The following TP53BP2 variants were observed in gnomAD, a reference collection of about 807,000 sequenced individuals.
TP53BP2 encodes the protein tumor protein p53 binding protein 2, also known as apoptosis-stimulating of p53 protein 2.
In TP53BP2, 62 loss-of-function variants were observed where a neutral mutation model predicts 126.2. The ratio of observed to expected loss-of-function variants is 0.49; its 90% CI spans 0.40 to 0.61. The LOEUF (loss-of-function observed/expected upper bound fraction) is 0.61. TP53BP2 is among the 20% of genes least tolerant of loss of function. The pLI is 0.00. For synonymous variants in TP53BP2, 485 were observed against 502.9 expected, an observed-to-expected ratio of 0.96 and a Z score of 0.48; for missense variants, 1,215 against 1,402.8, an observed-to-expected ratio of 0.87 and a Z score of 2.14.
At chr1:223,829,773 C>G (rs1663632451) in intron 1 of TP53BP2, among the ~76,000 whole-genome samples, 1 of 150,744 alleles carries the variant, frequency 6.6e-6, no homozygotes, top group African/African-American at 2.4e-5. Flanking sequence ...TTTACCCATA[C>G]TACAAGGACA....
chr1:223,805,409 G>C (rs374184788), intron 5 of TP53BP2, among the ~76,000 whole-genome samples: 8 of 152,224 alleles, frequency 5.3e-5, no homozygotes, highest in African/African-American at 1.9e-4. Context: ...GAGAAATGCA[G>C]AAGCTCAAAC....
intron 6 of TP53BP2, 45 bp downstream of exon 6, chr1:223,804,129 G>A (rs760619292): frequency 6.4e-7 from 1 of 1,571,718 alleles, no homozygotes; most frequent in Non-Finnish European, 8.6e-7. Flanking sequence ...AAAAAAACCA[G>A]ACAAATAAAT....
intron 1 of TP53BP2, among the ~76,000 whole-genome samples, chr1:223,826,932 C>T (rs891084096): frequency 2.0e-5 from 3 of 152,078 alleles, no homozygotes; most frequent in Non-Finnish European, 2.9e-5. Flanking sequence ...CAGTAAGACT[C>T]GCTTGGTGGA....
chr1:223,838,862 G>T (rs1664010743), intron 1 of TP53BP2, among the ~76,000 whole-genome samples: 1 of 152,170 alleles, frequency 6.6e-6, no homozygotes. Flanking sequence ...GGTAATATTA[G>T]ATAGAGGTGG....
Position 223,796,402 on chromosome 1 carries a change from A to G in TP53BP2, c.2137T>C (p.Ser713Pro). Residue 713 changes from serine to proline, a missense_variant, in exon 13 of 18, where the codon TCT (serine) becomes CCT (proline). Ser to Pro is a moderately conservative substitution (Grantham distance 74). Around this residue, in one of 4 missense-constraint regions of TP53BP2, gnomAD observed 46 missense variants for 93.0 expected, o/e 0.49. Transcript: ENST00000343537. This position sits in a 1 kb window ranked among gnomAD's most constrained non-coding sequence, Gnocchi z 4.2. ...TCACTCTGGTTTCGGTAAGGATTAG[A>G]TAAGAAAGGCAGTAATTTAGTTGGG... ...LSPTKLLPFL[S>P]NPYRNQSDAD... 6.2e-7 allele frequency: 1 copy of G among 1,614,204 alleles called. No homozygotes were observed. The highest frequency in any genetic ancestry group is 2.2e-5 in the East Asian group (1 of 44,884).
chr1:223,810,488 T>G lies in TP53BP2; in HGVS notation c.315A>C (p.Pro105=). Residue 105 remains proline, a synonymous_variant, in exon 4 of 18, where the codon CCA becomes CCC. Coordinates refer to ENST00000343537, the MANE Select transcript of TP53BP2 (RefSeq NM_001031685.3). ...DIVSGPRSQD[P]SLKRNGVKVP... ...CTTTTACACCATTTCTTTTTAAACT[T>G]GGATCCTGAGATCTTGGTCCACTCA... is the stretch of plus-strand genomic sequence containing the variant. 6.2e-7 allele frequency: 1 copy of G among 1,608,304 alleles called. No individual in the cohort carries two copies. Among genetic ancestry groups the G allele is most frequent in the South Asian group, 1.1e-5 (1 of 89,784 alleles).
At chr1:223,829,140 G>A (rs1236109897) in intron 1 of TP53BP2, among the ~76,000 whole-genome samples, 5 of 151,946 alleles carry the variant, frequency 3.3e-5, no homozygotes, top group Admixed American at 6.6e-5. Flanking sequence ...CAGACCATCC[G>A]GGGCAACATG....
intron 8 of TP53BP2, 38 bp from the exon 9 acceptor site, chr1:223,802,382 C>A: frequency 1.9e-6 from 3 of 1,569,708 alleles, no homozygotes; most frequent in South Asian, 1.1e-5. Flanking sequence ...TATTAAAAAT[C>A]ATCTCAGGTG....
At position 223,845,693 on chromosome 1, in the gene TP53BP2, C is replaced by T; in HGVS notation, c.-13G>A. On this transcript the variant is annotated 5_prime_UTR_variant, in exon 1 of 18. Transcript: ENST00000343537. ...ACCCGAACCGCATGGAAGCGGGTGG[C>T]CAGACTGCGGCCCCGGCCGAGCTGA... 1.3e-6 allele frequency: 2 copies of T among 1,543,084 alleles called. No homozygotes were observed. Among genetic ancestry groups the T allele is most frequent in the Non-Finnish European group, 8.7e-7 (1 of 1,151,500 alleles).
intron 14 of TP53BP2, 83 bp downstream of exon 14, chr1:223,793,220 A>T: frequency 9.4e-7 from 1 of 1,067,618 alleles, no homozygotes; most frequent in South Asian, 2.6e-5. Flanking sequence ...GTCATATTTT[A>T]AAAATTTACT....
intron 1 of TP53BP2, among the ~76,000 whole-genome samples, chr1:223,837,926 C>T (rs1663977875): frequency 6.6e-6 from 1 of 152,018 alleles, no homozygotes; most frequent in Non-Finnish European, 1.5e-5. Flanking sequence ...CTGCCCCGCC[C>T]CCGCCGCCCC....
intron 6 of TP53BP2, 96 bp downstream of exon 6, chr1:223,804,078 T>G: frequency 2.2e-6 from 3 of 1,363,078 alleles, no homozygotes; most frequent in Non-Finnish European, 3.0e-6. Context: ...GAGGCCACGG[T>G]TCAAAAGACC....
chr1:223,794,265 T>C (rs970248976), intron 13 of TP53BP2, among the ~76,000 whole-genome samples: 1 of 152,236 alleles, frequency 6.6e-6, no homozygotes, highest in African/African-American at 2.4e-5. Flanking sequence ...GTGTGATATA[T>C]GTACTCCACA....
intron 1 of TP53BP2, among the ~76,000 whole-genome samples, chr1:223,839,854 G>C (rs1664051089): frequency 6.6e-6 from 1 of 152,156 alleles, no homozygotes; most frequent in Admixed American, 6.5e-5. Flanking sequence ...AGAATCACTT[G>C]AGCCCAGGAG....
At chr1:223,808,729 A>T (rs780638396) in intron 4 of TP53BP2, among the ~76,000 whole-genome samples, 8 of 137,190 alleles carry the variant, frequency 5.8e-5, no homozygotes, top group Non-Finnish European at 9.7e-5. Flanking sequence ...ATGCTCCATT[A>T]AAAAAAAAAA....
chr1:223,817,106 G>A (rs987193390), intron 2 of TP53BP2, among the ~76,000 whole-genome samples: 1 of 150,934 alleles, frequency 6.6e-6, no homozygotes, highest in Non-Finnish European at 1.5e-5. Context: ...GCTGCAGCAA[G>A]CCAAGACTGA....
Position 223,798,292 on chromosome 1 carries a change from GC to G in TP53BP2, c.1870del (p.Ala624ArgfsTer14), listed in dbSNP as rs760638505. On this transcript the variant is annotated frameshift_variant, in exon 12 of 18. Coordinates refer to ENST00000343537, the MANE Select transcript of TP53BP2 (RefSeq NM_001031685.3). LOFTEE classifies it high-confidence loss of function. ...AGCCTGCTGGAAGTTTTTTCCTGGC[GC>G]CTGCTGTTGCGTATACATGGAATAT... Reference protein sequence around the residue: ...SIYSMYTQQQAPGKNFQQAVQ... With the variant: ...SIYSMYTQQQXPGKNFQQAVQ... 1 of 1,614,144 alleles carries G rather than the reference GC, an allele frequency of 6.2e-7. No individual in the cohort carries two copies. The highest frequency in any genetic ancestry group is 8.5e-7 in the Non-Finnish European group (1 of 1,180,022).
At chr1:223,819,825 T>G (rs1663237873) in intron 2 of TP53BP2, among the ~76,000 whole-genome samples, 1 of 152,210 alleles carries the variant, frequency 6.6e-6, no homozygotes, top group African/African-American at 2.4e-5. Context: ...TCTGCAAATA[T>G]TTCTACAGCA....
rs148558388 is a variant in TP53BP2 at position 223,798,503 on chromosome 1, C to T, written c.1660G>A (p.Gly554Arg). Reference sequence around the variant, plus strand: ...GATAGCAGCACTCTCGGCTGCTGCCCTGCTGGTTTTGGTTTAGTTCCCATG... The same window carrying T: ...GATAGCAGCACTCTCGGCTGCTGCCTTGCTGGTTTTGGTTTAGTTCCCATG... Reference protein sequence around the residue: ...PSMGTKPKPAGQQPRVLLSPS... With the variant: ...PSMGTKPKPARQQPRVLLSPS... Residue 554 changes from glycine to arginine, a missense_variant, in exon 12 of 18, where the codon GGG becomes AGG. By Grantham distance (125) the Gly-to-Arg change is moderately radical. Transcript: ENST00000343537. The T allele has an allele frequency of 2.5e-6, 4 of 1,614,016 alleles. No individual in the cohort carries two copies. The African/African-American group carries it at 4.0e-5, about 16-fold the overall frequency.
Sources: gnomAD v4.1 joint callset for allele counts (sites outside exome capture counted in the v4.1 genomes callset) on GRCh38, gnomAD v4.1.1 for gene constraint, gnomAD v4.1.1 regional missense constraint, Gnocchi (gnomAD v3.1) non-coding constraint, MANE v1.5 for transcripts, NCBI Gene and HGNC (gene_info 2026-07-23, HGNC 2026-07-21) for gene names.